The following SPAST variants were observed in gnomAD, a reference collection of about 807,000 sequenced individuals.
SPAST encodes spastic paraplegia 4 (autosomal dominant; spastin).
Under a neutral mutation model 76.6 loss-of-function variants are expected in SPAST, and 30 were observed. The ratio of observed to expected loss-of-function variants is 0.39; its 90% CI spans 0.29 to 0.53. SPAST has a LOEUF of 0.53. Among genes scored for constraint, SPAST ranks in the 20% least tolerant of loss-of-function variants. The pLI, the probability that SPAST is intolerant of heterozygous loss-of-function variation, is 0.68. For missense variants in SPAST, 717 were observed against 770.5 expected (o/e 0.93, Z 0.82); for synonymous variants, 305 against 281.0 (o/e 1.09, Z -0.86).
chr2:32,116,878 G>A (rs1372462897), intron 7 of SPAST, among the ~76,000 whole-genome samples: 1 of 152,124 alleles, frequency 6.6e-6, no homozygotes. Context: ...TGTGGCAGGA[G>A]AATTGCTTGA....
chr2:32,083,748 TACTA>T (rs1677343048), intron 1 of SPAST, among the ~76,000 whole-genome samples: 4 of 57,826 alleles, frequency 6.9e-5, no homozygotes, highest in East Asian at 6.2e-4. Flanking sequence ...TATTTATATA[TACTA>T]TATATATATA....
At position 32,063,710 on chromosome 2, in the gene SPAST, C is replaced by T. The variant is rs1676375652; in HGVS notation, c.-122C>T. ...GGGCAGCGTGCGGCAGTGCGGAGCT[C>T]CTGAGACCGGCGGGCACACGGGGGT... is the stretch of plus-strand genomic sequence containing the variant. On this transcript the variant is annotated 5_prime_UTR_variant, in exon 1 of 17. Coordinates refer to ENST00000315285, the MANE Select transcript of SPAST (RefSeq NM_014946.4). 7.3e-7 allele frequency: 1 copy of T among 1,371,562 alleles called. No homozygotes were observed. Among genetic ancestry groups the T allele is most frequent in the African/African-American group, 1.5e-5 (1 of 68,836 alleles). 85.0% of individuals were successfully genotyped at this position (1,371,562 alleles called of 1,614,324 possible). A position where few individuals can be genotyped will look rare whatever the true frequency, so the allele number is the denominator to read the frequency against.
At chr2:32,103,263 T>G (rs1243587600) in intron 4 of SPAST, among the ~76,000 whole-genome samples, 3 of 152,236 alleles carry the variant, frequency 2.0e-5, no homozygotes, top group Non-Finnish European at 2.9e-5. Context: ...TAGAGGTGTT[T>G]ATAGTATTCT....
intron 9 of SPAST, among the ~76,000 whole-genome samples, chr2:32,135,091 T>G (rs980286264): frequency 2.0e-5 from 3 of 151,884 alleles, no homozygotes; most frequent in Non-Finnish European, 4.4e-5. Context: ...AGATGATCTT[T>G]TGAGATTTCT....
intron 4 of SPAST, among the ~76,000 whole-genome samples, chr2:32,107,063 T>G (rs1172033297): frequency 1.3e-5 from 2 of 152,106 alleles, no homozygotes; most frequent in Non-Finnish European, 2.9e-5. Context: ...TTATTTCATT[T>G]CACATGCTAG....
intron 4 of SPAST, among the ~76,000 whole-genome samples, chr2:32,112,661 T>A (rs1678661549): frequency 6.6e-6 from 1 of 150,658 alleles, no homozygotes; most frequent in East Asian, 1.9e-4. Context: ...TGGATTTTGT[T>A]TTTTTTTTTA....
chr2:32,110,810 A>G (rs1311804211), intron 4 of SPAST, among the ~76,000 whole-genome samples: 3 of 124,768 alleles, frequency 2.4e-5, no homozygotes, highest in Admixed American at 8.3e-5. Context: ...ATAGTATACT[A>G]TATAGTATAT....
intron 16 of SPAST, among the ~76,000 whole-genome samples, chr2:32,150,950 A>ATTTTTTTTTT (rs1553320573): frequency 9.8e-6 from 1 of 101,986 alleles, no homozygotes; most frequent in Admixed American, 9.8e-5. Flanking sequence ...TCTACTGTAT[A>ATTTTTTTTTT]CTTTTTTTTT....
intron 16 of SPAST, among the ~76,000 whole-genome samples, chr2:32,153,138 A>G (rs1346725449): frequency 6.6e-6 from 1 of 152,148 alleles, no homozygotes; most frequent in Non-Finnish European, 1.5e-5. Flanking sequence ...TCATGGAGAT[A>G]TCAAAGATGA....
At position 32,127,053 on chromosome 2, in the gene SPAST, G is replaced by A. The variant is rs772711575; in HGVS notation, c.1173+31G>A. Reference sequence around the variant, plus strand: ...GGTTCTCTTCAAATTTGAGTTTTCTGTTGAGATATTTGGGATAATATGAAA... The same window carrying A: ...GGTTCTCTTCAAATTTGAGTTTTCTATTGAGATATTTGGGATAATATGAAA... On this transcript the variant is annotated intron_variant, in intron 8 of 16. Transcript: ENST00000315285. The A allele has an allele frequency of 2.8e-6, 4 of 1,437,092 alleles. No individual in the cohort carries two copies. In the African/African-American group the frequency reaches 4.2e-5, roughly 15 times the overall value. 89.0% of individuals were successfully genotyped at this position (1,437,092 alleles called of 1,614,324 possible).
chr2:32,097,725 G>T (rs1482928355), intron 3 of SPAST, among the ~76,000 whole-genome samples: 3 of 131,250 alleles, frequency 2.3e-5, no homozygotes, highest in African/African-American at 8.8e-5. Context: ...ACAGAGTCTC[G>T]CTCTGTCACC....
intron 16 of SPAST, among the ~76,000 whole-genome samples, chr2:32,147,908 G>A (rs1679948997): frequency 6.6e-6 from 1 of 150,888 alleles, no homozygotes; most frequent in African/African-American, 2.4e-5. Flanking sequence ...TGGGATTACA[G>A]GCGTGAGCCA....
chr2:32,067,450 T>C (rs927051350), intron 1 of SPAST, among the ~76,000 whole-genome samples: 4 of 151,910 alleles, frequency 2.6e-5, no homozygotes, highest in African/African-American at 7.3e-5. Flanking sequence ...GCATGAAAAA[T>C]AAAAGACCCT....
intron 9 of SPAST, among the ~76,000 whole-genome samples, chr2:32,132,235 C>T (rs973012476): frequency 6.6e-6 from 1 of 151,858 alleles, no homozygotes; most frequent in African/African-American, 2.4e-5. Context: ...ACCAGAAATA[C>T]AAAAAATTAG....
intron 1 of SPAST, among the ~76,000 whole-genome samples, chr2:32,069,214 C>CAAAAAAA (rs56319240): frequency 8.7e-6 from 1 of 114,734 alleles, no homozygotes. Flanking sequence ...CTCCATCTCT[C>CAAAAAAA]AAAAAAAAAA....
chr2:32,067,570 T>A (rs1008921877), intron 1 of SPAST, among the ~76,000 whole-genome samples: 2 of 152,120 alleles, frequency 1.3e-5, no homozygotes, highest in Non-Finnish European at 2.9e-5. Context: ...GTATCACATA[T>A]ATGAATATAT....
chr2:32,110,094 A>AGTTTTTTTTGTTTTTTTTTTTT (rs1192028097), intron 4 of SPAST, among the ~76,000 whole-genome samples: 1 of 131,960 alleles, frequency 7.6e-6, no homozygotes, highest in African/African-American at 2.7e-5. Context: ...ATACATATAT[A>AGTTTTTTTTGTTTTTTTTTTTT]GTTTTTTTTG....
rs539075273 is a variant in SPAST at position 32,064,258 on chromosome 2, G to C, written c.415+12G>C. On this transcript the variant is annotated intron_variant, in intron 1 of 16. Transcript: ENST00000315285. ...TGAGGATGAGAAAGGTAACTAGGGG[G>C]CTGGGGGAGGGGGCGGCGGCGCCGG... is the stretch of plus-strand genomic sequence containing the variant. 20 of 1,544,716 alleles carry C rather than the reference G, an allele frequency of 1.3e-5. No individual in the cohort carries two copies. In the Admixed American group the frequency reaches 3.2e-4, roughly 25 times the overall value.
At chr2:32,096,207 G>A (rs1677907996) in intron 3 of SPAST, among the ~76,000 whole-genome samples, 1 of 151,278 alleles carries the variant, frequency 6.6e-6, no homozygotes, top group Non-Finnish European at 1.5e-5. Flanking sequence ...GGCCGAGGCG[G>A]GCAGATCACC....
Sources: gnomAD v4.1 joint callset for allele counts (sites outside exome capture counted in the v4.1 genomes callset) on GRCh38, gnomAD v4.1.1 for gene constraint, MANE v1.5 for transcripts, NCBI Gene and HGNC (gene_info 2026-07-23, HGNC 2026-07-21) for gene names.